The following CFAP77 variants were observed in gnomAD, a reference collection of about 807,000 sequenced individuals.
CFAP77 encodes the protein cilia and flagella associated protein 77.
In CFAP77, 25 loss-of-function variants were observed where a neutral mutation model predicts 31.1. The observed-to-expected ratio is 0.80, with a 90% confidence interval of 0.59 to 1.12. The LOEUF (loss-of-function observed/expected upper bound fraction) is 1.12. Ranked by LOEUF, CFAP77 falls within the 50% of genes most tolerant of loss-of-function variation. The pLI is 0.00. For missense variants in CFAP77, 377 were observed against 397.3 expected (o/e 0.95, Z 0.44); for synonymous variants, 151 against 159.9 (o/e 0.94, Z 0.42).
chr9:132,529,513 A>AAAAC (rs1852397026), intron 3 of CFAP77, among the ~76,000 whole-genome samples: 1 of 117,320 alleles, frequency 8.5e-6, no homozygotes, highest in Admixed American at 8.1e-5. Flanking sequence ...ATAATAAAAA[A>AAAAC]AAAAAACAAA....
intron 5 of CFAP77, among the ~76,000 whole-genome samples, chr9:132,553,158 A>G (rs1852848403): frequency 6.6e-6 from 1 of 152,114 alleles, no homozygotes; most frequent in South Asian, 2.1e-4. Flanking sequence ...TGCTGGAGAG[A>G]GAGAGAGGAA....
intron 3 of CFAP77, among the ~76,000 whole-genome samples, chr9:132,519,690 G>A (rs1852229817): frequency 7.5e-6 from 1 of 134,114 alleles, no homozygotes; most frequent in Non-Finnish European, 1.6e-5. Context: ...ATGAGTGGGT[G>A]GGTGGATGGG....
Position 132,572,427 on chromosome 9 carries a change from C to A in CFAP77, c.772C>A (p.Arg258Ser). 1.2e-6 allele frequency: 2 copies of A among 1,613,230 alleles called. No homozygotes were observed. Among genetic ancestry groups the A allele is most frequent in the Non-Finnish European group, 8.5e-7 (1 of 1,179,952 alleles). Reference sequence around the variant, plus strand: ...TGATACGTTCCCCACGGAGGCCGATCGCCAGAGAGCATTAAAAGCCCACCG... The same window carrying A: ...TGATACGTTCCCCACGGAGGCCGATAGCCAGAGAGCATTAAAAGCCCACCG... ...HLDTFPTEAD[R>S]QRALKAHREE... The change falls in exon 6 of 6, where the codon CGC (arginine) becomes AGC (serine). Residue 258 changes from arginine (R) to serine (S), a missense_variant. By Grantham distance (110) the Arg-to-Ser change is moderately radical (BLOSUM62 -1). Transcript: ENST00000393216.
chr9:132,564,214 A>G lies in CFAP77; in HGVS notation c.733-8174A>G, dbSNP rs1829857920. On this transcript the variant is annotated intron_variant, in intron 5 of 5. Coordinates refer to ENST00000393216, the MANE Select transcript of CFAP77 (RefSeq NM_001282957.2). The surrounding 1 kb of genome is among the most constrained non-coding windows in gnomAD (Gnocchi z 4.6). Reference sequence around the variant, plus strand: ...AAGCATTGAATAAAATCATGAATACATAAATACAAGGACAAGGGCCACATC... The same window carrying G: ...AAGCATTGAATAAAATCATGAATACGTAAATACAAGGACAAGGGCCACATC... Among the ~76,000 whole-genome samples, 1 of 152,244 alleles carries G rather than the reference A, an allele frequency of 6.6e-6. No individual in the cohort carries two copies. Among genetic ancestry groups the G allele is most frequent in the African/African-American group, 2.4e-5 (1 of 41,470 alleles).
At chr9:132,518,028 T>C (rs1041316197) in intron 3 of CFAP77, among the ~76,000 whole-genome samples, 5 of 152,042 alleles carry the variant, frequency 3.3e-5, no homozygotes, top group African/African-American at 1.2e-4. Flanking sequence ...GTGAGAAACT[T>C]TTCTGGGGGG....
intron 1 of CFAP77, among the ~76,000 whole-genome samples, chr9:132,470,972 T>A (rs1024300371): frequency 6.6e-6 from 1 of 152,234 alleles, no homozygotes; most frequent in African/African-American, 2.4e-5. Flanking sequence ...AGTGAGACTC[T>A]GTTTCAAAAA....
intron 4 of CFAP77, among the ~76,000 whole-genome samples, chr9:132,541,970 AC>A (rs1196991228): frequency 9.2e-5 from 14 of 152,086 alleles, no homozygotes; most frequent in Admixed American, 9.2e-4. Context: ...AGCCTGGTGA[AC>A]CCCAGGGCAG....
At chr9:132,468,431 T>C (rs1441291148) in intron 1 of CFAP77, among the ~76,000 whole-genome samples, 1 of 152,084 alleles carries the variant, frequency 6.6e-6, no homozygotes, top group Non-Finnish European at 1.5e-5. Flanking sequence ...CCAGCCTCAT[T>C]CCAGGATGCT....
rs762588728 is a variant in CFAP77, at chr9:132,429,537, C to CAA, written c.195+19095_195+19096dup. On this transcript the variant is annotated intron_variant, in intron 1 of 5. Coordinates refer to ENST00000393216, the MANE Select transcript of CFAP77 (RefSeq NM_001282957.2). ...CAGGTGACAGAACGAGACTTCAACT[C>CAA]AAAAAAAAAAAAAAAAAAAAAAAAA... Among the ~76,000 whole-genome samples the CAA allele has an allele frequency of 1.0e-2, 387 of 38,872 alleles. 1 individual carries two copies. The highest frequency in any genetic ancestry group is 0.016 in the East Asian group (15 of 914). 25.5% of individuals were successfully genotyped at this position (38,872 alleles called of 152,430 possible). A position where few individuals can be genotyped will look rare whatever the true frequency, so the allele number is the denominator to read the frequency against.
Position 132,498,796 on chromosome 9 carries a change from T to A in CFAP77, c.295+2T>A. The A allele has an allele frequency of 6.2e-7, 1 of 1,601,724 alleles. No homozygotes were observed. The highest frequency in any genetic ancestry group is 8.5e-7 in the Non-Finnish European group (1 of 1,172,348). On this transcript the variant is annotated splice_donor_variant, in intron 2 of 5. Transcript: ENST00000393216. LOFTEE classifies it high-confidence loss of function. This position sits in a 1 kb window ranked among gnomAD's most constrained non-coding sequence, Gnocchi z 4.2. ...GGCTTGACGGAGGAGTCCCTGAAGGTGAGCGAGCAGCTTTGGAGCATGAGG... is the reference window on the plus strand; with the variant it reads ...GGCTTGACGGAGGAGTCCCTGAAGGAGAGCGAGCAGCTTTGGAGCATGAGG...
At chr9:132,450,479 A>G (rs2131712741) in intron 1 of CFAP77, among the ~76,000 whole-genome samples, 1 of 152,196 alleles carries the variant, frequency 6.6e-6, no homozygotes. Flanking sequence ...GACTGCAAAC[A>G]CTCATTAAAT....
intron 3 of CFAP77, among the ~76,000 whole-genome samples, chr9:132,503,499 ATCTGTAGATAGGGGGC>A (rs1295800060): frequency 6.6e-6 from 1 of 152,100 alleles, no homozygotes; most frequent in African/African-American, 2.4e-5. Context: ...CTGTTTCCCC[ATCTGTAGATAGGGGGC>A]TGCACTAGTG....
intron 1 of CFAP77, among the ~76,000 whole-genome samples, chr9:132,428,377 T>C (rs1850351415): frequency 6.6e-6 from 1 of 151,960 alleles, no homozygotes; most frequent in African/African-American, 2.4e-5. Flanking sequence ...TCCCAGCACT[T>C]TGGGAGGCTG....
chr9:132,519,029 G>A (rs1348565328), intron 3 of CFAP77, among the ~76,000 whole-genome samples: 3 of 152,160 alleles, frequency 2.0e-5, no homozygotes, highest in African/African-American at 7.2e-5. Flanking sequence ...CCCAAGGATT[G>A]AGGAGGCAGG....
At position 132,543,005 on chromosome 9, in the gene CFAP77, C is replaced by T. The variant is rs148870688; in HGVS notation, c.690C>T (p.Pro230=). The change falls in exon 5 of 6, where the codon CCC becomes CCT. Residue 230 remains proline, a synonymous_variant. Coordinates refer to ENST00000393216, the MANE Select transcript of CFAP77 (RefSeq NM_001282957.2). ...GTCAGCTGAGGAAGTACAAGCCGCC[C>T]GTGAAGCTGGACACCCTCTGGCACA... The part of the protein sequence containing the change: ...RSSQLRKYKP[P]VKLDTLWHMP... 166 of 1,614,156 alleles carry T rather than the reference C, an allele frequency of 1.0e-4. No homozygotes were observed. The highest frequency in any genetic ancestry group is 7.5e-5 in the Non-Finnish European group (89 of 1,180,014).
chr9:132,469,989 GCCA>G (rs1016531290), intron 1 of CFAP77, among the ~76,000 whole-genome samples: 30 of 152,072 alleles, frequency 2.0e-4, no homozygotes, highest in African/African-American at 7.2e-4. Context: ...ACAGGCATGT[GCCA>G]CCACACCCGG....
intron 3 of CFAP77, among the ~76,000 whole-genome samples, chr9:132,514,540 C>A (rs564554647): frequency 6.6e-6 from 1 of 152,270 alleles, no homozygotes; most frequent in South Asian, 2.1e-4. Context: ...AGTGGCCTGG[C>A]GGATCTCCTG....
At chr9:132,463,817 C>T (rs1851103914) in intron 1 of CFAP77, among the ~76,000 whole-genome samples, 1 of 152,172 alleles carries the variant, frequency 6.6e-6, no homozygotes. Flanking sequence ...CCCTGGTGTC[C>T]CTGCTATCTG....
intron 3 of CFAP77, among the ~76,000 whole-genome samples, chr9:132,519,319 A>ATGGATGGATGG (rs2119012546): frequency 4.0e-4 from 1 of 2,516 alleles, no homozygotes; most frequent in South Asian, 0.015. Context: ...TGGGTGGGTG[A>ATGGATGGATGG]ATGAATGGAT....
Sources: allele counts gnomAD v4.1 joint callset (sites outside exome capture counted in the v4.1 genomes callset), GRCh38; gene constraint gnomAD v4.1.1; non-coding constraint Gnocchi (gnomAD v3.1); transcripts MANE v1.5; gene names NCBI Gene and HGNC (gene_info 2026-07-23, HGNC 2026-07-21).